TMEM132D: variants seen among roughly 807,000 people sequenced by gnomAD.
The protein encoded by TMEM132D is transmembrane protein 132D.
Under a neutral mutation model 62.3 loss-of-function variants are expected in TMEM132D, and 21 were observed. The ratio of observed to expected loss-of-function variants is 0.34; its 90% CI spans 0.24 to 0.49. The LOEUF is 0.49. Ranked by LOEUF, TMEM132D falls within the 20% of genes least tolerant of loss-of-function variation. The probability of loss-of-function intolerance (pLI) is 0.99; values close to 1 mark genes in which losing one functional copy is unlikely to be tolerated. For missense variants in TMEM132D, 1,346 were observed against 1,402.8 expected (o/e 0.96, Z 0.65); for synonymous variants, 621 against 575.6 (o/e 1.08, Z -1.13).
At chr12:129,535,771 TGTGTGCGTGTGTG>T (rs1186818491) in intron 2 of TMEM132D, among the ~76,000 whole-genome samples, 6 of 66,898 alleles carry the variant, frequency 9.0e-5, no homozygotes, top group Admixed American at 2.3e-4. Flanking sequence ...ATTTAAGATT[TGTGTGCGTGTGTG>T]TGTGTGTGTG....
chr12:129,225,657 G>A (rs1054074712), intron 4 of TMEM132D, among the ~76,000 whole-genome samples: 1 of 152,150 alleles, frequency 6.6e-6, no homozygotes, highest in Non-Finnish European at 1.5e-5. Flanking sequence ...GCAGTGCTTG[G>A]CATTATTAAT....
At chr12:129,190,946 C>T (rs1397178609) in intron 5 of TMEM132D, among the ~76,000 whole-genome samples, 1 of 152,066 alleles carries the variant, frequency 6.6e-6, no homozygotes, top group African/African-American at 2.4e-5. Context: ...GTGCTGCCTC[C>T]GCACAAAAGG....
intron 2 of TMEM132D, among the ~76,000 whole-genome samples, chr12:129,682,580 G>C (rs1345767250): frequency 6.6e-6 from 1 of 152,156 alleles, no homozygotes; most frequent in Admixed American, 6.5e-5. Flanking sequence ...GGATGTCACT[G>C]TAATTTGCAG....
At chr12:129,303,597 C>T (rs1881772143) in intron 4 of TMEM132D, among the ~76,000 whole-genome samples, 1 of 150,250 alleles carries the variant, frequency 6.7e-6, no homozygotes, top group Non-Finnish European at 1.5e-5. Context: ...TGCAGAGCCT[C>T]CACCATCATC....
chr12:129,716,560 G>C (rs1246980897), intron 1 of TMEM132D, among the ~76,000 whole-genome samples: 2 of 152,200 alleles, frequency 1.3e-5, no homozygotes, highest in South Asian at 2.1e-4. Flanking sequence ...GATTTCCTAA[G>C]AGTGGTGTGG....
chr12:129,221,854 G>A (rs1233305442), intron 4 of TMEM132D, among the ~76,000 whole-genome samples: 1 of 152,046 alleles, frequency 6.6e-6, no homozygotes, highest in African/African-American at 2.4e-5. Context: ...GATGGGCTGT[G>A]GGTTTTTTAT....
At chr12:129,848,285 C>A (rs1873427879) in intron 1 of TMEM132D, among the ~76,000 whole-genome samples, 1 of 152,132 alleles carries the variant, frequency 6.6e-6, no homozygotes, top group Admixed American at 6.5e-5. Flanking sequence ...CACAGCGATT[C>A]TGTAAAGATT....
At chr12:129,437,436 A>G (rs1368198895) in intron 3 of TMEM132D, among the ~76,000 whole-genome samples, 6 of 152,210 alleles carry the variant, frequency 3.9e-5, no homozygotes, top group African/African-American at 1.4e-4. Context: ...CAATGCCTAA[A>G]TGTTAATAGA....
At chr12:129,890,291 C>T (rs753973209) in intron 1 of TMEM132D, among the ~76,000 whole-genome samples, 4 of 152,146 alleles carry the variant, frequency 2.6e-5, no homozygotes, top group Non-Finnish European at 5.9e-5. Flanking sequence ...ACATGGGATC[C>T]GCCCTGCTTA....
intron 2 of TMEM132D, among the ~76,000 whole-genome samples, chr12:129,540,855 C>A (rs776336474): frequency 6.6e-6 from 1 of 152,188 alleles, no homozygotes; most frequent in Non-Finnish European, 1.5e-5. Context: ...GGCTGGGTCT[C>A]AAACTGGCTT....
At chr12:129,095,097 G>T (rs572763465) in intron 5 of TMEM132D, among the ~76,000 whole-genome samples, 1 of 151,708 alleles carries the variant, frequency 6.6e-6, no homozygotes, top group African/African-American at 2.4e-5. Context: ...AAGAGTTAAT[G>T]GGTGCAGCCC....
intron 2 of TMEM132D, among the ~76,000 whole-genome samples, chr12:129,663,836 C>T (rs1039267587): frequency 2.6e-5 from 4 of 152,130 alleles, no homozygotes; most frequent in African/African-American, 7.2e-5. Flanking sequence ...TATGAGAGAT[C>T]CTTGGAGAAA....
rs538795328 is a variant in TMEM132D, at chr12:129,801,328, C to T, written c.80-100630G>A. ...TTGAAGAGAGCAGTGGTTCTCCCAG[C>T]ACGCAGCTGGAGATCTGAGATGGGC... On this transcript the variant is annotated intron_variant, in intron 1 of 8. Transcript: ENST00000422113. 5.1e-5 allele frequency among the ~76,000 whole-genome samples: 7 copies of T among 138,588 alleles called. No homozygotes were observed. The South Asian group carries it at 1.2e-3, about 25-fold the overall frequency. The allele number at this position is 138,588 out of a possible 152,430, so 90.9% of individuals were successfully genotyped here.
intron 1 of TMEM132D, among the ~76,000 whole-genome samples, chr12:129,732,559 AC>A (rs1343037509): frequency 6.6e-6 from 1 of 151,852 alleles, no homozygotes; most frequent in Non-Finnish European, 1.5e-5. Context: ...ACCTCCCTCC[AC>A]CTTGCTGTCT....
chr12:129,793,313 GT>G (rs1163624982), intron 1 of TMEM132D, among the ~76,000 whole-genome samples: 1 of 151,790 alleles, frequency 6.6e-6, no homozygotes, highest in Non-Finnish European at 1.5e-5. Flanking sequence ...ATCTTCTTGA[GT>G]TTTTTTTCCC....
chr12:129,672,938 G>A (rs1383815703), intron 2 of TMEM132D, among the ~76,000 whole-genome samples: 1 of 152,134 alleles, frequency 6.6e-6, no homozygotes, highest in African/African-American at 2.4e-5. Flanking sequence ...AGTAGAGATG[G>A]GGTTTTACCA....
intron 1 of TMEM132D, among the ~76,000 whole-genome samples, chr12:129,846,175 C>T (rs1292883615): frequency 6.6e-6 from 1 of 152,128 alleles, no homozygotes; most frequent in Non-Finnish European, 1.5e-5. Flanking sequence ...CTCAAACTGA[C>T]CTAAGTTTAT....
At position 129,081,764 on chromosome 12, in the gene TMEM132D, T is replaced by C. The variant is rs760094918; in HGVS notation, c.1918A>G (p.Ile640Val). The change falls in exon 7 of 9, where the codon ATT becomes GTT. Residue 640 changes from isoleucine (I) to valine (V), a missense_variant. By Grantham distance (29) the Ile-to-Val change is conservative (BLOSUM62 3). Coordinates refer to ENST00000422113, the MANE Select transcript of TMEM132D (RefSeq NM_133448.3). ...ATTTTTTTTTTTTTTTTTACCTGAA[T>C]GGTGGTCATCCCAAGCTCCTGCCCC... ...LMGQELGMTT[I>V]QILSPLSDTI... The C allele has an allele frequency of 9.5e-6, 15 of 1,581,268 alleles. No individual in the cohort carries two copies. The highest frequency in any genetic ancestry group is 3.7e-5 in the Admixed American group (2 of 54,354).
intron 1 of TMEM132D, among the ~76,000 whole-genome samples, chr12:129,839,117 A>ATTT (rs71085578): frequency 0.072 from 1,480 of 20,630 alleles, 454 homozygotes; most frequent in African/African-American, 0.1. Flanking sequence ...CGCCTGGCTA[A>ATTT]TTTTTTTTTT....
Sources: allele counts gnomAD v4.1 joint callset (sites outside exome capture counted in the v4.1 genomes callset), GRCh38; gene constraint gnomAD v4.1.1; transcripts MANE v1.5; gene names NCBI Gene and HGNC (gene_info 2026-07-23, HGNC 2026-07-21).